Variants in RALGPS2 observed in about 807,000 individuals in gnomAD.
RALGPS2 encodes the protein Ral GEF with PH domain and SH3 binding motif 2.
Under a neutral mutation model 86.8 loss-of-function variants are expected in RALGPS2, and 43 were observed. That is an observed-to-expected ratio of 0.50 (90% CI 0.39 to 0.64). RALGPS2 has a LOEUF of 0.64. Ranked by LOEUF, RALGPS2 falls within the 30% of genes least tolerant of loss-of-function variation. The pLI is 0.00. For missense variants in RALGPS2, 536 were observed against 694.6 expected, an observed-to-expected ratio of 0.77 and a Z score of 2.57; for synonymous variants, 243 against 231.3, an observed-to-expected ratio of 1.05 and a Z score of -0.46.
chr1:178,735,431 C>CTTT (rs565080292), intron 1 of RALGPS2, among the ~76,000 whole-genome samples: 2 of 134,416 alleles, frequency 1.5e-5, no homozygotes, highest in Non-Finnish European at 3.2e-5. Flanking sequence ...TTTTTCTTTT[C>CTTT]TTTTTTTTTT....
intron 8 of RALGPS2, among the ~76,000 whole-genome samples, chr1:178,849,544 A>G (rs1657043444): frequency 6.6e-6 from 1 of 152,236 alleles, no homozygotes; most frequent in African/African-American, 2.4e-5. Context: ...ATAACTGAGA[A>G]GCCTTGGTAA....
At chr1:178,785,733 T>G in intron 4 of RALGPS2, 126 bp downstream of exon 4, 4 of 1,253,050 alleles carry the variant, frequency 3.2e-6, no homozygotes, top group Non-Finnish European at 4.3e-6. Flanking sequence ...TTGTAACTTA[T>G]CTACATACTG....
chr1:178,894,065 A>T lies in RALGPS2; in HGVS notation c.1431+41A>T, dbSNP rs769387817. The T allele has an allele frequency of 4.2e-6, 5 of 1,204,268 alleles. No individual in the cohort carries two copies. The African/African-American group carries it at 4.7e-5, about 11-fold the overall frequency. The allele number at this position is 1,204,268 out of a possible 1,614,324, so 74.6% of individuals were successfully genotyped here. On this transcript the variant is annotated intron_variant, in intron 16 of 19. Coordinates refer to ENST00000367635, the MANE Select transcript of RALGPS2 (RefSeq NM_152663.5). The stretch of plus-strand genomic sequence containing the variant: ...ATTATATTTTAATACACCTCTAAAA[A>T]TATGCAAATTTATAAGACTCTGTAA...
chr1:178,840,038 A>G (rs1315855201), intron 8 of RALGPS2, among the ~76,000 whole-genome samples: 4 of 152,182 alleles, frequency 2.6e-5, no homozygotes, highest in Admixed American at 2.6e-4. Flanking sequence ...TTAGACTCCC[A>G]CACAATAATA....
chr1:178,880,932 T>C (rs1334882194), intron 10 of RALGPS2, among the ~76,000 whole-genome samples: 1 of 152,204 alleles, frequency 6.6e-6, no homozygotes, highest in Admixed American at 6.5e-5. Flanking sequence ...ATATAATGCC[T>C]TCATTTTTGT....
chr1:178,840,509 G>A (rs1315985020), intron 8 of RALGPS2, among the ~76,000 whole-genome samples: 1 of 152,174 alleles, frequency 6.6e-6, no homozygotes, highest in Non-Finnish European at 1.5e-5. Context: ...GCAGTGTGTA[G>A]AGGGAAATTT....
chr1:178,893,846 A>G (rs1408034229), intron 15 of RALGPS2, 73 bp from the exon 16 acceptor site: 10 of 948,966 alleles, frequency 1.1e-5, no homozygotes, highest in East Asian at 7.7e-5. Flanking sequence ...GAATAATTAC[A>G]TTTTATTTAA....
intron 18 of RALGPS2, 29 bp downstream of exon 18, chr1:178,902,240 G>A (rs375470977): frequency 2.8e-5 from 42 of 1,513,466 alleles, no homozygotes; most frequent in South Asian, 6.7e-5. Context: ...TGGGGCTTAC[G>A]ATACTGCGTA....
chr1:178,893,948 A>G lies in RALGPS2; in HGVS notation c.1355A>G (p.His452Arg), dbSNP rs1264427265. ...GCAGAATCAGAAGATTTGGCAGTAC[A>G]TTTATATCCAGGAGCTGTTACTATT... The part of the protein sequence containing the change: ...SSAESEDLAV[H>R]LYPGAVTIQG... Residue 452 changes from histidine to arginine, a missense_variant, in exon 16 of 20, where the codon CAT becomes CGT. Around this residue, in one of 3 missense-constraint regions of RALGPS2, gnomAD observed 309 missense variants for 363.0 expected, o/e 0.85. Transcript: ENST00000367635. 20 of 1,608,530 alleles carry G rather than the reference A, an allele frequency of 1.2e-5. No individual in the cohort carries two copies. The highest frequency in any genetic ancestry group is 1.5e-5 in the Non-Finnish European group (18 of 1,176,582).
intron 1 of RALGPS2, among the ~76,000 whole-genome samples, chr1:178,776,194 G>T (rs1348978883): frequency 6.6e-6 from 1 of 152,116 alleles, no homozygotes; most frequent in South Asian, 2.1e-4. Flanking sequence ...ACTGAGAGAT[G>T]ATTGTATTTT....
rs567903931 is a variant in RALGPS2 at position 178,911,180 on chromosome 1, CTTG to C, written c.1722+4316_1722+4318del. ...TTAATCTAGCTACCAGTCTATCGAT[CTTG>C]TTTTTTCTTTCAAAGAACCAACTTT... On this transcript the variant is annotated intron_variant, in intron 19 of 19. Coordinates refer to ENST00000367635, the MANE Select transcript of RALGPS2 (RefSeq NM_152663.5). Among the ~76,000 whole-genome samples, 577 of 152,108 alleles carry C rather than the reference CTTG, an allele frequency of 3.8e-3. 6 individuals carry two copies. Among genetic ancestry groups the C allele is most frequent in the African/African-American group, 0.013 (557 of 41,522 alleles).
At position 178,840,676 on chromosome 1, in the gene RALGPS2, A is replaced by G. The variant is rs528265324; in HGVS notation, c.607+7126A>G. Among the ~76,000 whole-genome samples, 28 of 152,304 alleles carry G rather than the reference A, an allele frequency of 1.8e-4. No individual in the cohort carries two copies. The South Asian group carries it at 5.8e-3, about 32-fold the overall frequency. Reference sequence around the variant, plus strand: ...GCAGAACTGAAGGAGATAGAGACACAAAAAACCCTTCAAGAAAATCCATGA... The same window carrying G: ...GCAGAACTGAAGGAGATAGAGACACGAAAAACCCTTCAAGAAAATCCATGA... On this transcript the variant is annotated intron_variant, in intron 8 of 19. Coordinates refer to ENST00000367635, the MANE Select transcript of RALGPS2 (RefSeq NM_152663.5).
intron 2 of RALGPS2, among the ~76,000 whole-genome samples, chr1:178,782,151 T>A (rs1296577983): frequency 1.3e-5 from 2 of 152,172 alleles, no homozygotes; most frequent in Non-Finnish European, 2.9e-5. Flanking sequence ...AATCACAGCT[T>A]ACGGGAGCAG....
chr1:178,871,468 C>T (rs1658751500), intron 8 of RALGPS2, among the ~76,000 whole-genome samples: 1 of 151,950 alleles, frequency 6.6e-6, no homozygotes, highest in Non-Finnish European at 1.5e-5. Flanking sequence ...GAGGCAGCCA[C>T]CTAAATAATG....
chr1:178,829,664 T>G (rs1183155375), intron 7 of RALGPS2, among the ~76,000 whole-genome samples: 2 of 152,172 alleles, frequency 1.3e-5, no homozygotes, highest in Non-Finnish European at 2.9e-5. Flanking sequence ...AGGACTATAG[T>G]TGACTATAGT....
intron 8 of RALGPS2, among the ~76,000 whole-genome samples, chr1:178,834,004 C>T (rs761489563): frequency 6.6e-6 from 1 of 152,102 alleles, no homozygotes; most frequent in Non-Finnish European, 1.5e-5. Flanking sequence ...AATTTAGCTT[C>T]GTGCTGAGAC....
intron 6 of RALGPS2, among the ~76,000 whole-genome samples, chr1:178,813,624 T>A (rs1391531251): frequency 6.6e-6 from 1 of 152,208 alleles, no homozygotes; most frequent in Non-Finnish European, 1.5e-5. Flanking sequence ...GAGATCTAAA[T>A]ATAAAATGTA....
intron 7 of RALGPS2, among the ~76,000 whole-genome samples, 170 bp from the exon 8 acceptor site, chr1:178,833,254 T>TTATAAGA (rs1656112085): frequency 1.3e-5 from 2 of 152,092 alleles, no homozygotes; most frequent in Non-Finnish European, 2.9e-5. Flanking sequence ...TTTGGATTAT[T>TTATAAGA]AATAGACAAA....
chr1:178,776,365 T>G (rs183504095), intron 1 of RALGPS2, among the ~76,000 whole-genome samples: 1 of 152,198 alleles, frequency 6.6e-6, no homozygotes, highest in African/African-American at 2.4e-5. Flanking sequence ...CCTGTGTTTT[T>G]ACACATTTTA....
Sources: gnomAD v4.1 joint callset for allele counts (sites outside exome capture counted in the v4.1 genomes callset) on GRCh38, gnomAD v4.1.1 for gene constraint, gnomAD v4.1.1 regional missense constraint, MANE v1.5 for transcripts, NCBI Gene and HGNC (gene_info 2026-07-23, HGNC 2026-07-21) for gene names.